Variants in CREB1 observed in about 807,000 individuals in gnomAD.
The protein encoded by CREB1 is cyclic AMP-responsive element-binding protein 1.
CREB1 carries 2 observed loss-of-function variants against 42.0 expected under a neutral mutation model. That is an observed-to-expected ratio of 0.05 (90% CI 0.02 to 0.15). The LOEUF (loss-of-function observed/expected upper bound fraction) is 0.15. CREB1 is among the 10% of genes least tolerant of loss of function. CREB1 has a pLI of 1.00. For missense variants in CREB1, 199 were observed against 388.9 expected, an observed-to-expected ratio of 0.51 and a Z score of 4.11; for synonymous variants, 123 against 139.9, an observed-to-expected ratio of 0.88 and a Z score of 0.85.
chr2:207,554,571 T>A (rs945581285), intron 1 of CREB1, among the ~76,000 whole-genome samples: 2 of 152,196 alleles, frequency 1.3e-5, no homozygotes, highest in Admixed American at 1.3e-4. Flanking sequence ...CTTCCCCAGT[T>A]ACCAGAGATT....
At chr2:207,544,002 C>T (rs1467694557) in intron 1 of CREB1, among the ~76,000 whole-genome samples, 1 of 152,156 alleles carries the variant, frequency 6.6e-6, no homozygotes, top group Non-Finnish European at 1.5e-5. Flanking sequence ...TCACTGCAAG[C>T]TCTGCCTCCT....
chr2:207,586,859 GTTA>G (rs369145588), intron 7 of CREB1, among the ~76,000 whole-genome samples: 6 of 152,198 alleles, frequency 3.9e-5, no homozygotes, highest in African/African-American at 1.4e-4. Context: ...AGATAGAATG[GTTA>G]TTATCAAAAA....
chr2:207,533,220 T>TG (rs938082511), intron 1 of CREB1, among the ~76,000 whole-genome samples: 6 of 152,216 alleles, frequency 3.9e-5, no homozygotes, highest in African/African-American at 9.6e-5. Context: ...ATGATTTTTT[T>TG]TTTGTTTACA....
intron 3 of CREB1, among the ~76,000 whole-genome samples, chr2:207,566,723 C>T (rs1028827247): frequency 6.6e-6 from 1 of 152,104 alleles, no homozygotes; most frequent in African/African-American, 2.4e-5. Context: ...TAGTATAGTA[C>T]CCATCTGGCG....
chr2:207,552,375 AT>A (rs992338712), intron 1 of CREB1, among the ~76,000 whole-genome samples: 1 of 152,144 alleles, frequency 6.6e-6, no homozygotes, highest in African/African-American at 2.4e-5. Flanking sequence ...GTAAATAAAA[AT>A]GAAAGAAATG....
At chr2:207,577,448 A>G (rs1381840270) in intron 6 of CREB1, 57 bp from the exon 7 acceptor site, 29 of 1,582,956 alleles carry the variant, frequency 1.8e-5, no homozygotes, top group Non-Finnish European at 2.5e-5. Context: ...ATTGATACAC[A>G]TAATTGAATC....
chr2:207,551,990 C>T (rs1199833943), intron 1 of CREB1, among the ~76,000 whole-genome samples: 1 of 129,832 alleles, frequency 7.7e-6, no homozygotes, highest in African/African-American at 2.9e-5. Context: ...TGCAGTGAGC[C>T]GAGATCGAGC....
At chr2:207,567,384 T>A (rs2082179837) in intron 3 of CREB1, 79 bp from the exon 4 acceptor site, 1 of 995,894 alleles carries the variant, frequency 1.0e-6, no homozygotes. Flanking sequence ...AGTTTATATA[T>A]GACTTTTTAT....
In CREB1 at chr2:207,600,889, GCTTTA is replaced by G. The variant is rs2086932310; in HGVS notation, c.*3835_*3839del. The G allele has an allele frequency of 4.9e-6, 1 of 202,622 alleles. No individual in the cohort carries two copies. The highest frequency in any genetic ancestry group is 2.3e-5 in the African/African-American group (1 of 43,538). 12.6% of individuals were successfully genotyped at this position (202,622 alleles called of 1,614,324 possible). Reference sequence around the variant, plus strand: ...GAAATACGTTTGTTTAAACCAGGATGCTTTACTTACTTGAAGTGACTTCAATCTAG... The same window carrying G: ...GAAATACGTTTGTTTAAACCAGGATGCTTACTTGAAGTGACTTCAATCTAG... On this transcript the variant is annotated 3_prime_UTR_variant, in exon 8 of 8. Coordinates refer to ENST00000353267, the MANE Select transcript of CREB1 (RefSeq NM_004379.5).
In CREB1 at chr2:207,570,328, A is replaced by G; in HGVS notation, c.505+7A>G. On this transcript the variant is annotated splice_region_variant and intron_variant, in intron 5 of 7. Coordinates refer to ENST00000353267, the MANE Select transcript of CREB1 (RefSeq NM_004379.5). Reference sequence around the variant, plus strand: ...ACTAGCAGTGGACAGTATAGTGAGTAATAGACAATTTCTGTTTCTATTGTG... The same window carrying G: ...ACTAGCAGTGGACAGTATAGTGAGTGATAGACAATTTCTGTTTCTATTGTG... 6.3e-7 allele frequency: 1 copy of G among 1,584,504 alleles called. No individual in the cohort carries two copies. The highest frequency in any genetic ancestry group is 8.6e-7 in the Non-Finnish European group (1 of 1,167,782).
intron 7 of CREB1, among the ~76,000 whole-genome samples, chr2:207,592,817 G>A (rs532131923): frequency 1.3e-5 from 2 of 152,120 alleles, no homozygotes; most frequent in East Asian, 3.9e-4. Flanking sequence ...TGAGGCTGAG[G>A]CAAGGGAATT....
At chr2:207,574,483 A>C (rs1181718300) in intron 5 of CREB1, among the ~76,000 whole-genome samples, 1 of 152,220 alleles carries the variant, frequency 6.6e-6, no homozygotes, top group Non-Finnish European at 1.5e-5. Flanking sequence ...AGTTTTTCAT[A>C]AAGTGAAATA....
chr2:207,565,543 A>T (rs1468039160), intron 3 of CREB1, among the ~76,000 whole-genome samples: 1 of 151,656 alleles, frequency 6.6e-6, no homozygotes, highest in African/African-American at 2.4e-5. Context: ...AAAAAAGGAC[A>T]CAGATTAAAA....
At chr2:207,560,933 T>C (rs1362381927) in intron 3 of CREB1, among the ~76,000 whole-genome samples, 1 of 152,188 alleles carries the variant, frequency 6.6e-6, no homozygotes, top group Non-Finnish European at 1.5e-5. Context: ...GAGAGATCTT[T>C]CCTTTGGGTT....
At chr2:207,595,891 C>G (rs763519019) in intron 7 of CREB1, among the ~76,000 whole-genome samples, 2 of 152,174 alleles carry the variant, frequency 1.3e-5, no homozygotes, top group Non-Finnish European at 2.9e-5. Context: ...AACCCCTTAG[C>G]AGATATATGA....
chr2:207,536,370 C>T (rs578019291), intron 1 of CREB1, among the ~76,000 whole-genome samples: 1 of 149,108 alleles, frequency 6.7e-6, no homozygotes, highest in South Asian at 2.1e-4. Context: ...GCCTGGCCAA[C>T]ATGGTGAAAC....
At chr2:207,569,884 A>T (rs1210446399) in intron 4 of CREB1, among the ~76,000 whole-genome samples, 1 of 152,002 alleles carries the variant, frequency 6.6e-6, no homozygotes, top group African/African-American at 2.4e-5. Context: ...TCTACTAAAA[A>T]TACCAAAAAA....
rs906880242 is a variant in CREB1, at chr2:207,599,767, T to G, written c.*2709T>G. ...ACTTTGAGAATCTTTATTAAGAAAA[T>G]GACATAATTTTTAAAAACCTTGTAG... On this transcript the variant is annotated 3_prime_UTR_variant, in exon 8 of 8. Coordinates refer to ENST00000353267, the MANE Select transcript of CREB1 (RefSeq NM_004379.5). 5.1e-6 allele frequency: 1 copy of G among 196,122 alleles called. No individual in the cohort carries two copies. Among genetic ancestry groups the G allele is most frequent in the Non-Finnish European group, 1.1e-5 (1 of 94,568 alleles). The allele number at this position is 196,122 out of a possible 1,614,324, so 12.1% of individuals were successfully genotyped here. A position where few individuals can be genotyped will look rare whatever the true frequency, so the allele number is the denominator to read the frequency against.
intron 1 of CREB1, among the ~76,000 whole-genome samples, chr2:207,532,430 T>A (rs2080682032): frequency 6.6e-6 from 1 of 151,962 alleles, no homozygotes; most frequent in Non-Finnish European, 1.5e-5. Flanking sequence ...ATCCCAGCAC[T>A]TTGGGAAGCC....
Sources: allele counts gnomAD v4.1 joint callset (sites outside exome capture counted in the v4.1 genomes callset), GRCh38; gene constraint gnomAD v4.1.1; transcripts MANE v1.5; gene names NCBI Gene and HGNC (gene_info 2026-07-23, HGNC 2026-07-21).